AR: variants seen among roughly 807,000 people sequenced by gnomAD.
AR encodes dihydrotestosterone receptor.
In AR, 8 loss-of-function variants were observed where a neutral mutation model predicts 53.9. The observed-to-expected ratio is 0.15, with a 90% CI of 0.09 to 0.27. The LOEUF is 0.27. AR is among the 10% of genes least tolerant of loss of function. The pLI, the probability that AR is intolerant of heterozygous loss-of-function variation, is 1.00. For synonymous variants in AR, 359 were observed against 316.4 expected, an observed-to-expected ratio of 1.13 and a Z score of -1.43; for missense variants, 639 against 742.5, an observed-to-expected ratio of 0.86 and a Z score of 1.62.
At chrX:67,580,481 A>T (rs1382224325) in intron 1 of AR, among the ~76,000 whole-genome samples, 3 of 111,805 alleles carry the variant, frequency 2.7e-5, no homozygotes, top group African/African-American at 6.5e-5. Context: ...AATTACCTTT[A>T]AAGTGTTACT....
intron 2 of AR, among the ~76,000 whole-genome samples, chrX:67,655,349 A>G (rs1354498049): frequency 4.5e-5 from 5 of 110,891 alleles, no homozygotes; most frequent in African/African-American, 1.6e-4. Context: ...ACTTTTTTGC[A>G]TAGCTTCTTC....
intron 5 of AR, among the ~76,000 whole-genome samples, chrX:67,721,110 C>T (rs902968546): frequency 9.0e-6 from 1 of 111,558 alleles, no homozygotes; most frequent in Non-Finnish European, 1.9e-5. Context: ...ATGCAACTCA[C>T]ATATGTCTAC....
chrX:67,588,269 A>G (rs765520351), intron 1 of AR, among the ~76,000 whole-genome samples: 4 of 111,877 alleles, frequency 3.6e-5, no homozygotes, highest in Non-Finnish European at 7.5e-5. Flanking sequence ...CTGGGAGCAG[A>G]TTTCTCAAGC....
intron 1 of AR, among the ~76,000 whole-genome samples, chrX:67,585,340 C>T (rs1760159780): frequency 9.1e-6 from 1 of 109,840 alleles, no homozygotes; most frequent in African/African-American, 3.3e-5. Context: ...TCAGTATCAA[C>T]ATTATTACTG....
intron 2 of AR, among the ~76,000 whole-genome samples, chrX:67,679,516 G>T (rs939220435): frequency 1.6e-4 from 18 of 111,397 alleles, no homozygotes; most frequent in African/African-American, 5.5e-4. Context: ...ATCCCTAGAA[G>T]TGGAATTCCT....
intron 1 of AR, among the ~76,000 whole-genome samples, chrX:67,620,857 G>A (rs1924340138): frequency 9.0e-6 from 1 of 111,531 alleles, no homozygotes; most frequent in Non-Finnish European, 1.9e-5. Context: ...TGTATTGAAA[G>A]TGCTTCTAAG....
intron 1 of AR, among the ~76,000 whole-genome samples, chrX:67,562,380 G>A (rs1921367519): frequency 2.7e-5 from 3 of 109,562 alleles, no homozygotes; most frequent in South Asian, 7.8e-4. Flanking sequence ...GTGTGTGTGT[G>A]TGTGTGTGTG....
At chrX:67,696,048 T>C in intron 3 of AR, 1 of 750,338 alleles carries the variant, frequency 1.3e-6, no homozygotes, top group Non-Finnish European at 1.6e-6. Flanking sequence ...CTAGTGAAAT[T>C]TTCCCTTAAT....
intron 1 of AR, among the ~76,000 whole-genome samples, chrX:67,591,117 C>T (rs978454413): frequency 1.1e-4 from 12 of 110,771 alleles, no homozygotes; most frequent in Admixed American, 4.8e-4. Flanking sequence ...AAAAAATTAG[C>T]CCGAGAGAGA....
At chrX:67,716,424 G>A (rs1258922885) in intron 4 of AR, among the ~76,000 whole-genome samples, 2 of 112,107 alleles carry the variant, frequency 1.8e-5, no homozygotes, top group Non-Finnish European at 3.8e-5. Context: ...CGGATGAAAG[G>A]CCTGAGAAGG....
chrX:67,723,353 T>TGTGTGTGA (rs2076144721), intron 7 of AR, among the ~76,000 whole-genome samples: 1 of 95,019 alleles, frequency 1.1e-5, no homozygotes, highest in African/African-American at 4.4e-5. Flanking sequence ...TGTGTGTGTG[T>TGTGTGTGA]CAGAGAGAGA....
intron 1 of AR, 110 bp downstream of exon 1, chrX:67,546,872 A>T: frequency 2.2e-6 from 2 of 893,690 alleles, no homozygotes; most frequent in South Asian, 4.3e-5. Context: ...TGCCCCTGGG[A>T]GAGCTCAGCA....
chrX:67,659,360 T>TTCCCCTC (rs754563055), intron 2 of AR, among the ~76,000 whole-genome samples: 1 of 110,811 alleles, frequency 9.0e-6, no homozygotes, highest in African/African-American at 3.3e-5. Flanking sequence ...AATGCTATCC[T>TTCCCCTC]TCCCCTCTCC....
Position 67,544,940 on chromosome X carries a change from C to A in AR, c.-207C>A, listed in dbSNP as rs189146053. 3.7e-3 allele frequency: 1,648 copies of A among 446,743 alleles called. 1 individual carries two copies. Among genetic ancestry groups the A allele is most frequent in the Middle Eastern group, 7.4e-3 (12 of 1,617 alleles). The allele number at this position is 446,743 out of a possible 1,213,427, so 36.8% of individuals were successfully genotyped here. ...AGCCTAGCAGGGCAGATCTTGTCCA[C>A]CGTGTGTCTTCTTCTGCACGAGACT... is the stretch of plus-strand genomic sequence containing the variant. On this transcript the variant is annotated 5_prime_UTR_variant, in exon 1 of 8. Coordinates refer to ENST00000374690, the MANE Select transcript of AR (RefSeq NM_000044.6).
chrX:67,594,011 T>A (rs1221456086), intron 1 of AR, among the ~76,000 whole-genome samples: 38 of 112,196 alleles, frequency 3.4e-4, no homozygotes, highest in Non-Finnish European at 5.6e-5. Flanking sequence ...GTGCCTTTTT[T>A]TGAGACAAAG....
chrX:67,613,168 C>T (rs999061748), intron 1 of AR, among the ~76,000 whole-genome samples: 1 of 111,737 alleles, frequency 8.9e-6, no homozygotes, highest in Non-Finnish European at 1.9e-5. Flanking sequence ...GGGAATATAC[C>T]GTTATCCCCA....
chrX:67,664,925 A>G (rs752044736), intron 2 of AR, among the ~76,000 whole-genome samples: 6 of 112,778 alleles, frequency 5.3e-5, no homozygotes, highest in Non-Finnish European at 9.4e-5. Context: ...CAGGCACAGG[A>G]TATAATCTCC....
chrX:67,589,748 T>C lies in AR; in HGVS notation c.1616+42986T>C, dbSNP rs570968700. Among the ~76,000 whole-genome samples, 9 of 111,629 alleles carry C rather than the reference T, an allele frequency of 8.1e-5. No individual in the cohort carries two copies. In the South Asian group the frequency reaches 2.6e-3, roughly 33 times the overall value. The stretch of plus-strand genomic sequence containing the variant: ...ATGGCAGCCATGCCTTTGGTGTGCA[T>C]GGAGGTTGGATACAGGCAGCCAGTT... On this transcript the variant is annotated intron_variant, in intron 1 of 7. Coordinates refer to ENST00000374690, the MANE Select transcript of AR (RefSeq NM_000044.6).
chrX:67,552,211 A>ACT (rs1166311142), intron 1 of AR, among the ~76,000 whole-genome samples: 5 of 112,114 alleles, frequency 4.5e-5, no homozygotes, highest in Admixed American at 2.8e-4. Flanking sequence ...CTTAGCAACC[A>ACT]ATAATCTACT....
Sources: gnomAD v4.1 joint callset for allele counts (sites outside exome capture counted in the v4.1 genomes callset) on GRCh38, gnomAD v4.1.1 for gene constraint, MANE v1.5 for transcripts, NCBI Gene and HGNC (gene_info 2026-07-23, HGNC 2026-07-21) for gene names.